INTS9: variants seen among roughly 807,000 people sequenced by gnomAD.
INTS9 encodes the protein protein related to CPSF subunits of 74 kDa.
Under a neutral mutation model 79.7 loss-of-function variants are expected in INTS9, and 55 were observed. That is an observed-to-expected ratio of 0.69 (90% CI 0.56 to 0.86). INTS9 has a LOEUF of 0.86. INTS9 is among the 40% of genes least tolerant of loss of function. INTS9 has a pLI of 0.00. For missense variants in INTS9, 721 were observed against 831.5 expected (o/e 0.87, Z 1.64); for synonymous variants, 319 against 325.2 (o/e 0.98, Z 0.20).
intron 1 of INTS9, among the ~76,000 whole-genome samples, chr8:28,864,554 C>T (rs113829075): frequency 1.3e-5 from 2 of 151,798 alleles, no homozygotes; most frequent in African/African-American, 4.8e-5. Context: ...ATTTACATAC[C>T]ACTGAGAAAA....
chr8:28,844,114 C>A (rs1807356730), intron 4 of INTS9, among the ~76,000 whole-genome samples: 1 of 152,184 alleles, frequency 6.6e-6, no homozygotes, highest in Admixed American at 6.5e-5. Context: ...CAGGAGGTGG[C>A]TATGAAGTTA....
Position 28,786,863 on chromosome 8 carries a change from A to G in INTS9, c.1098+966T>C, listed in dbSNP as rs551926059. The stretch of plus-strand genomic sequence containing the variant: ...CTCCCGAGCAGTTGTGACTACAGGC[A>G]CCCGCCACCACGCCTGGCTAATTTT... On this transcript the variant is annotated intron_variant, in intron 11 of 16. Transcript: ENST00000521022. Among the ~76,000 whole-genome samples the G allele has an allele frequency of 4.8e-3, 725 of 152,098 alleles. 1 individual carries two copies. Among genetic ancestry groups the G allele is most frequent in the African/African-American group, 0.015 (631 of 41,480 alleles).
chr8:28,776,451 T>TTA (rs1802894972), intron 13 of INTS9, among the ~76,000 whole-genome samples: 1 of 149,672 alleles, frequency 6.7e-6, no homozygotes, highest in African/African-American at 2.5e-5. Context: ...TTTTTTTTTT[T>TTA]AAACAAAATG....
At chr8:28,883,572 A>C (rs1183657915) in intron 1 of INTS9, among the ~76,000 whole-genome samples, 1 of 152,236 alleles carries the variant, frequency 6.6e-6, no homozygotes, top group Non-Finnish European at 1.5e-5. Flanking sequence ...TTCAGAAAGC[A>C]TATTACTGGA....
intron 4 of INTS9, among the ~76,000 whole-genome samples, chr8:28,838,015 C>T (rs1806914920): frequency 6.6e-6 from 1 of 152,044 alleles, no homozygotes; most frequent in Admixed American, 6.6e-5. Context: ...TCTGATTTTA[C>T]TAGAACAGAA....
intron 1 of INTS9, among the ~76,000 whole-genome samples, chr8:28,876,610 G>A (rs1046013282): frequency 1.3e-5 from 2 of 152,000 alleles, no homozygotes; most frequent in South Asian, 2.1e-4. Flanking sequence ...AAATAGAGAC[G>A]CCTACTACCA....
At chr8:28,839,711 A>G (rs1807045996) in intron 4 of INTS9, among the ~76,000 whole-genome samples, 1 of 152,170 alleles carries the variant, frequency 6.6e-6, no homozygotes, top group South Asian at 2.1e-4. Flanking sequence ...TATTTAATAA[A>G]TGGTGCTGGG....
intron 10 of INTS9, among the ~76,000 whole-genome samples, chr8:28,791,081 G>T (rs6997949): frequency 6.6e-6 from 1 of 151,922 alleles, no homozygotes; most frequent in Non-Finnish European, 1.5e-5. Flanking sequence ...CCTGCCCCTT[G>T]TATTTCCTAA....
chr8:28,774,029 A>T (rs969224999), intron 14 of INTS9, among the ~76,000 whole-genome samples: 4 of 152,062 alleles, frequency 2.6e-5, no homozygotes, highest in African/African-American at 9.7e-5. Context: ...TGGCCAGGCT[A>T]GTCTTGAACT....
chr8:28,806,449 A>G (rs1342450859), intron 8 of INTS9, among the ~76,000 whole-genome samples: 1 of 152,262 alleles, frequency 6.6e-6, no homozygotes, highest in African/African-American at 2.4e-5. Context: ...ACAGTGAGAA[A>G]CAGATAAATC....
chr8:28,827,023 C>T (rs1806186485), intron 6 of INTS9, among the ~76,000 whole-genome samples: 1 of 152,160 alleles, frequency 6.6e-6, no homozygotes, highest in Non-Finnish European at 1.5e-5. Flanking sequence ...ACTTAGCTTT[C>T]CCAGAAACTC....
chr8:28,792,486 C>CA (rs1185416234), intron 10 of INTS9, among the ~76,000 whole-genome samples: 4 of 148,826 alleles, frequency 2.7e-5, no homozygotes, highest in Admixed American at 6.7e-5. Flanking sequence ...AAACTTCTTG[C>CA]AAAAAAACAA....
Position 28,835,299 on chromosome 8 carries a change from T to C in INTS9, c.481A>G (p.Ile161Val). 6.2e-7 allele frequency: 1 copy of C among 1,612,524 alleles called. No homozygotes were observed. Among genetic ancestry groups the C allele is most frequent in the Non-Finnish European group, 8.5e-7 (1 of 1,178,612 alleles). Residue 161 changes from isoleucine to valine, a missense_variant, in exon 6 of 17, where the codon ATT becomes GTT. This residue lies in a region of INTS9 where 291 missense variants were observed against 307.0 expected (regional missense o/e 0.95). Transcript: ENST00000521022. ...QSASLWKNKD[I>V]QRLLPSPLKD... ...GAGTGGTCTGTTCCTCACCTCTGAA[T>C]GTCCTTATTCTTCCACAAGGAGGCA...
chr8:28,784,394 T>G (rs1278828252), intron 11 of INTS9, among the ~76,000 whole-genome samples: 1 of 152,168 alleles, frequency 6.6e-6, no homozygotes, highest in Non-Finnish European at 1.5e-5. Flanking sequence ...TTTCTGACAT[T>G]TTTATAATAT....
intron 4 of INTS9, 74 bp downstream of exon 4, chr8:28,846,673 A>G: frequency 2.6e-6 from 3 of 1,157,848 alleles, no homozygotes; most frequent in Non-Finnish European, 2.6e-6. Context: ...GCCTCTTAAA[A>G]TTATTTCTTG....
chr8:28,859,989 G>A (rs764170783), intron 1 of INTS9, among the ~76,000 whole-genome samples: 6 of 152,098 alleles, frequency 3.9e-5, no homozygotes, highest in Non-Finnish European at 7.3e-5. Flanking sequence ...TTCTCCCTTT[G>A]TAAATAAGTG....
intron 6 of INTS9, among the ~76,000 whole-genome samples, chr8:28,830,381 C>T (rs1806408115): frequency 6.6e-6 from 1 of 152,114 alleles, no homozygotes; most frequent in South Asian, 2.1e-4. Flanking sequence ...TGCCTATAAT[C>T]CCAGCACTTT....
At position 28,780,974 on chromosome 8, in the gene INTS9, C is replaced by A; in HGVS notation, c.1119G>T (p.Leu373=). 1 of 1,613,924 alleles carries A rather than the reference C, an allele frequency of 6.2e-7. No individual in the cohort carries two copies. Reference sequence around the variant, plus strand: ...CTCCGTGGATGCTGGGGTAGTGCTTCAGCTTATTGGTCTGAATGAGCTGGA... The same window carrying A: ...CTCCGTGGATGCTGGGGTAGTGCTTAAGCTTATTGGTCTGAATGAGCTGGA... ...PHAELIQTNK[L]KHYPSIHGDF... Residue 373 remains leucine, a synonymous_variant, in exon 12 of 17, where the codon CTG becomes CTT. Transcript: ENST00000521022.
At chr8:28,889,370 G>A (rs1810436777) in intron 1 of INTS9, among the ~76,000 whole-genome samples, 1 of 152,120 alleles carries the variant, frequency 6.6e-6, no homozygotes, top group South Asian at 2.1e-4. Flanking sequence ...TCCACACTCT[G>A]ACCTCGTCCT....
Sources: gnomAD v4.1 joint callset for allele counts (sites outside exome capture counted in the v4.1 genomes callset) on GRCh38, gnomAD v4.1.1 for gene constraint, gnomAD v4.1.1 regional missense constraint, MANE v1.5 for transcripts, NCBI Gene and HGNC (gene_info 2026-07-23, HGNC 2026-07-21) for gene names.